CNTN5: variants seen among roughly 807,000 people sequenced by gnomAD.
CNTN5 encodes contactin 5.
CNTN5 carries 77 observed loss-of-function variants against 129.1 expected under a neutral mutation model. The ratio of observed to expected loss-of-function variants is 0.60; its 90% confidence interval spans 0.50 to 0.72. The LOEUF (loss-of-function observed/expected upper bound fraction) is 0.72. Among genes scored for constraint, CNTN5 ranks in the 30% least tolerant of loss-of-function variants. The pLI is 0.00. For synonymous variants in CNTN5, 509 were observed against 465.6 expected (o/e 1.09, Z -1.20); for missense variants, 1,478 against 1,328.8 (o/e 1.11, Z -1.75).
intron 3 of CNTN5, among the ~76,000 whole-genome samples, chr11:99,581,627 C>A (rs993784175): frequency 6.6e-6 from 1 of 152,098 alleles, no homozygotes; most frequent in East Asian, 1.9e-4. Context: ...GGTTTAAAGT[C>A]CGTTTTATCC....
rs981847967 is a variant in CNTN5 at position 100,033,126 on chromosome 11, G to A, written c.981-28086G>A. ...TTTTTAATTTAACATCTCCACTTTTGACAGAATATAGACAGTTTTTAAAGT... is the reference window on the plus strand; with the variant it reads ...TTTTTAATTTAACATCTCCACTTTTAACAGAATATAGACAGTTTTTAAAGT... On this transcript the variant is annotated intron_variant, in intron 9 of 24. Coordinates refer to ENST00000524871, the MANE Select transcript of CNTN5 (RefSeq NM_014361.4). Among the ~76,000 whole-genome samples, 11 of 152,206 alleles carry A rather than the reference G, an allele frequency of 7.2e-5. 1 individual carries two copies. The South Asian group carries it at 1.5e-3, about 20-fold the overall frequency.
chr11:99,428,337 A>T (rs1055487457), intron 2 of CNTN5, among the ~76,000 whole-genome samples: 3 of 152,040 alleles, frequency 2.0e-5, no homozygotes, highest in Non-Finnish European at 4.4e-5. Context: ...AGGTGGGTGG[A>T]TCACTTGAGC....
Position 100,232,083 on chromosome 11 carries a change from G to C in CNTN5, c.2005+7271G>C, listed in dbSNP as rs180867640. On this transcript the variant is annotated intron_variant, in intron 16 of 24. Transcript: ENST00000524871. ...GCAGTAGAATTGCTTGAACCTGGGA[G>C]GGGGAGGTTGCAGTGAGCCGAGATT... 2.1e-4 allele frequency among the ~76,000 whole-genome samples: 32 copies of C among 152,238 alleles called. No individual in the cohort carries two copies. The East Asian group carries it at 5.0e-3, about 24-fold the overall frequency.
At chr11:99,368,369 T>G (rs753258899) in intron 2 of CNTN5, among the ~76,000 whole-genome samples, 3 of 151,988 alleles carry the variant, frequency 2.0e-5, no homozygotes, top group Non-Finnish European at 4.4e-5. Flanking sequence ...AGTCCCGGTG[T>G]GGTGGTGCTC....
intron 2 of CNTN5, among the ~76,000 whole-genome samples, chr11:99,340,499 T>C (rs562332508): frequency 6.6e-6 from 1 of 152,130 alleles, no homozygotes. Flanking sequence ...AGAATGGTGA[T>C]GTAGATTATA....
chr11:99,611,113 C>A lies in CNTN5; in HGVS notation c.55+54844C>A, dbSNP rs1411969092. On this transcript the variant is annotated intron_variant, in intron 3 of 24. Coordinates refer to ENST00000524871, the MANE Select transcript of CNTN5 (RefSeq NM_014361.4). ...GATTTCAAACTTTATTTTCAAGGTG[C>A]CAACAAAGACAGCTTAGGCTGTCAT... is the stretch of plus-strand genomic sequence containing the variant. Among the ~76,000 whole-genome samples, 4 of 152,192 alleles carry A rather than the reference C, an allele frequency of 2.6e-5. No individual in the cohort carries two copies. The South Asian group carries it at 8.3e-4, about 32-fold the overall frequency.
intron 1 of CNTN5, among the ~76,000 whole-genome samples, chr11:99,184,267 T>C (rs1357904476): frequency 6.6e-6 from 1 of 152,086 alleles, no homozygotes; most frequent in Non-Finnish European, 1.5e-5. Context: ...CACATACCTT[T>C]TGCTCATTAT....
intron 3 of CNTN5, among the ~76,000 whole-genome samples, chr11:99,692,694 G>GT (rs1181829619): frequency 6.6e-6 from 1 of 151,742 alleles, no homozygotes; most frequent in Non-Finnish European, 1.5e-5. Context: ...TCAGTGAAAT[G>GT]TTTTTATAGT....
intron 1 of CNTN5, among the ~76,000 whole-genome samples, chr11:99,206,506 C>T (rs1332697972): frequency 3.3e-5 from 5 of 152,062 alleles, no homozygotes; most frequent in Non-Finnish European, 5.9e-5. Flanking sequence ...AGTGGGAGAT[C>T]GAATTCATCA....
At chr11:100,125,132 A>G (rs1382144332) in intron 13 of CNTN5, among the ~76,000 whole-genome samples, 1 of 151,982 alleles carries the variant, frequency 6.6e-6, no homozygotes, top group Non-Finnish European at 1.5e-5. Flanking sequence ...AGTGGGAGAT[A>G]TTTTACTCCA....
chr11:99,534,301 A>G (rs1296892957), intron 2 of CNTN5, among the ~76,000 whole-genome samples: 1 of 152,246 alleles, frequency 6.6e-6, no homozygotes, highest in Non-Finnish European at 1.5e-5. Context: ...AGCACCAAGC[A>G]TATTATTGTT....
intron 9 of CNTN5, among the ~76,000 whole-genome samples, chr11:100,009,152 A>G (rs1030458025): frequency 6.6e-6 from 1 of 152,148 alleles, no homozygotes; most frequent in African/African-American, 2.4e-5. Flanking sequence ...CTAAAAAGCC[A>G]TAAGCTGCAA....
chr11:100,012,506 C>A (rs1275608401), intron 9 of CNTN5, among the ~76,000 whole-genome samples: 1 of 152,034 alleles, frequency 6.6e-6, no homozygotes, highest in African/African-American at 2.4e-5. Flanking sequence ...GAAACAGGAC[C>A]AATTTATTAT....
intron 6 of CNTN5, among the ~76,000 whole-genome samples, chr11:99,889,646 C>T (rs565135011): frequency 1.3e-5 from 2 of 151,522 alleles, no homozygotes; most frequent in Non-Finnish European, 2.9e-5. Context: ...AGCGATTCTC[C>T]TGCCTCAGCC....
intron 3 of CNTN5, among the ~76,000 whole-genome samples, chr11:99,748,077 A>G (rs1269404729): frequency 6.6e-6 from 1 of 152,094 alleles, no homozygotes; most frequent in Non-Finnish European, 1.5e-5. Flanking sequence ...ATCATAGTGA[A>G]TTATCCTTTT....
chr11:99,859,869 A>G (rs1004754318), intron 6 of CNTN5, among the ~76,000 whole-genome samples: 6 of 152,156 alleles, frequency 3.9e-5, no homozygotes, highest in African/African-American at 1.4e-4. Flanking sequence ...ATACCCAGTA[A>G]TGAGATTGCT....
intron 14 of CNTN5, among the ~76,000 whole-genome samples, 165 bp from the exon 15 acceptor site, chr11:100,193,323 T>G (rs887062233): frequency 1.3e-5 from 2 of 151,970 alleles, no homozygotes; most frequent in African/African-American, 4.8e-5. Flanking sequence ...CATGGTAATA[T>G]GCCCTAGCAT....
At chr11:99,427,844 T>C (rs891639864) in intron 2 of CNTN5, among the ~76,000 whole-genome samples, 1 of 151,850 alleles carries the variant, frequency 6.6e-6, no homozygotes, top group Non-Finnish European at 1.5e-5. Context: ...TTAAGGAAAT[T>C]TTGGTTTTTT....
chr11:100,212,046 G>A (rs1949044599), intron 15 of CNTN5, among the ~76,000 whole-genome samples: 1 of 152,044 alleles, frequency 6.6e-6, no homozygotes, highest in Non-Finnish European at 1.5e-5. Flanking sequence ...ACCCAGTTTA[G>A]TTTGCTAATA....
Sources: allele counts gnomAD v4.1 joint callset (sites outside exome capture counted in the v4.1 genomes callset), GRCh38; gene constraint gnomAD v4.1.1; transcripts MANE v1.5; gene names NCBI Gene and HGNC (gene_info 2026-07-23, HGNC 2026-07-21).